The following WWOX variants were observed in gnomAD, a reference collection of about 807,000 sequenced individuals.
WWOX encodes the protein WW domain containing oxidoreductase, also known as WW domain-containing oxidoreductase.
A neutral mutation model predicts 46.2 loss-of-function variants in WWOX; 69 were observed. That is an observed-to-expected ratio of 1.49 (90% CI 1.23 to 1.82). WWOX has a LOEUF of 1.82. WWOX is among the 40% of genes most tolerant of loss of function. The pLI is 0.00. For synonymous variants in WWOX, 359 were observed against 202.6 expected, an observed-to-expected ratio of 1.77 and a Z score of -6.56; for missense variants, 919 against 542.6, an observed-to-expected ratio of 1.69 and a Z score of -6.89.
At chr16:78,501,026 A>T (rs1009565992) in intron 8 of WWOX, among the ~76,000 whole-genome samples, 2 of 152,090 alleles carry the variant, frequency 1.3e-5, no homozygotes, top group Non-Finnish European at 2.9e-5. Flanking sequence ...GTGCAGGTGG[A>T]GGAGGCTATT....
chr16:78,648,468 A>G (rs1318585320), intron 8 of WWOX, among the ~76,000 whole-genome samples: 1 of 152,226 alleles, frequency 6.6e-6, no homozygotes, highest in Non-Finnish European at 1.5e-5. Flanking sequence ...TGAGACACCA[A>G]AGATACACAT....
At chr16:78,956,406 C>G (rs549113642) in intron 8 of WWOX, among the ~76,000 whole-genome samples, 1 of 152,208 alleles carries the variant, frequency 6.6e-6, no homozygotes, top group South Asian at 2.1e-4. Flanking sequence ...CCGCCCATCT[C>G]GGCCTCCCCA....
chr16:78,164,761 C>T (rs1299569487), intron 5 of WWOX, among the ~76,000 whole-genome samples: 8 of 152,260 alleles, frequency 5.3e-5, no homozygotes, highest in Admixed American at 2.6e-4. Context: ...TAGTATTAAA[C>T]GAAACAGAAT....
At chr16:79,045,279 AT>A (rs2048043609) in intron 8 of WWOX, among the ~76,000 whole-genome samples, 2 of 152,324 alleles carry the variant, frequency 1.3e-5, no homozygotes, top group South Asian at 4.1e-4. Context: ...AGCCTCTGGG[AT>A]TCAGTGATAG....
chr16:79,102,698 C>G (rs1196682954), intron 8 of WWOX, among the ~76,000 whole-genome samples: 1 of 151,826 alleles, frequency 6.6e-6, no homozygotes, highest in Non-Finnish European at 1.5e-5. Flanking sequence ...GATGTCAAGT[C>G]TTTTGGACAC....
rs189053862 is a variant in WWOX, at chr16:78,767,711, C to G, written c.1056+334959C>G. ...GCAGTGCATCAGGATTCTAGTTGCTCCACATCTACCCAATACTTATTTTAC... is the reference window on the plus strand; with the variant it reads ...GCAGTGCATCAGGATTCTAGTTGCTGCACATCTACCCAATACTTATTTTAC... On this transcript the variant is annotated intron_variant, in intron 8 of 8. Transcript: ENST00000566780. 2.0e-3 allele frequency among the ~76,000 whole-genome samples: 310 copies of G among 152,174 alleles called. 1 individual carries two copies. Among genetic ancestry groups the G allele is most frequent in the Middle Eastern group, 3.4e-3 (1 of 294 alleles).
In WWOX at chr16:78,119,721, C is replaced by T. The variant is rs186261255; in HGVS notation, c.409+4567C>T. Among the ~76,000 whole-genome samples, 458 of 151,948 alleles carry T rather than the reference C, an allele frequency of 3.0e-3. 3 individuals carry two copies. The highest frequency in any genetic ancestry group is 0.01 in the African/African-American group (433 of 41,408). The stretch of plus-strand genomic sequence containing the variant: ...GTTCAAGTGATCCTCCCACCTTAGC[C>T]TCCCAAAGTACTGAGATTACTGGTG... On this transcript the variant is annotated intron_variant, in intron 4 of 8. Transcript: ENST00000566780.
At chr16:78,918,380 C>G (rs1314650747) in intron 8 of WWOX, among the ~76,000 whole-genome samples, 4 of 152,016 alleles carry the variant, frequency 2.6e-5, no homozygotes, top group Non-Finnish European at 4.4e-5. Flanking sequence ...GCCATGAAAC[C>G]TCTCTCCTTT....
chr16:78,629,190 C>T (rs2046374019), intron 8 of WWOX, among the ~76,000 whole-genome samples: 1 of 151,746 alleles, frequency 6.6e-6, no homozygotes, highest in Admixed American at 6.6e-5. Flanking sequence ...GGTTCTTATG[C>T]CATTTTAAAG....
chr16:78,624,235 T>A (rs2046258073), intron 8 of WWOX, among the ~76,000 whole-genome samples: 1 of 151,666 alleles, frequency 6.6e-6, no homozygotes, highest in African/African-American at 2.4e-5. Context: ...TGGAATCATG[T>A]TCCCTTCGGA....
chr16:79,192,956 G>C (rs375992), intron 8 of WWOX, among the ~76,000 whole-genome samples: 1 of 152,062 alleles, frequency 6.6e-6, no homozygotes, highest in African/African-American at 2.4e-5. Context: ...GAAGGGCCTC[G>C]TTTTACTCCT....
chr16:78,666,715 C>T (rs1460715184), intron 8 of WWOX, among the ~76,000 whole-genome samples: 1 of 152,188 alleles, frequency 6.6e-6, no homozygotes, highest in East Asian at 1.9e-4. Context: ...GGGGGATTTA[C>T]ATCAGTTCCA....
intron 8 of WWOX, among the ~76,000 whole-genome samples, chr16:78,819,187 G>T (rs754823898): frequency 2.6e-5 from 4 of 152,192 alleles, no homozygotes; most frequent in African/African-American, 4.8e-5. Context: ...AGCCCCATCA[G>T]GTTCCCAGGT....
chr16:79,195,467 G>C (rs990844379), intron 8 of WWOX, among the ~76,000 whole-genome samples: 1 of 152,128 alleles, frequency 6.6e-6, no homozygotes, highest in Admixed American at 6.6e-5. Context: ...GGCAGTTCCT[G>C]AGGAGGGACT....
At chr16:78,367,818 G>A (rs181567333) in intron 5 of WWOX, among the ~76,000 whole-genome samples, 2 of 151,938 alleles carry the variant, frequency 1.3e-5, no homozygotes, top group Admixed American at 6.6e-5. Context: ...GTGCAGTGGT[G>A]CAATCTCAGC....
intron 5 of WWOX, among the ~76,000 whole-genome samples, chr16:78,352,374 C>A (rs540312751): frequency 3.3e-5 from 5 of 152,192 alleles, no homozygotes; most frequent in Admixed American, 2.6e-4. Context: ...GGGCTAAAAT[C>A]GATGTGTCAG....
chr16:79,096,870 C>G (rs2049085143), intron 8 of WWOX, among the ~76,000 whole-genome samples: 1 of 151,922 alleles, frequency 6.6e-6, no homozygotes, highest in South Asian at 2.1e-4. Context: ...GGTTTGTGCC[C>G]AGAAGATCTC....
chr16:78,357,734 C>T (rs1006046936), intron 5 of WWOX, among the ~76,000 whole-genome samples: 1 of 152,124 alleles, frequency 6.6e-6, no homozygotes, highest in Non-Finnish European at 1.5e-5. Flanking sequence ...GTGCTGGGTG[C>T]TACATATTTA....
At chr16:78,621,777 T>A (rs929970947) in intron 8 of WWOX, among the ~76,000 whole-genome samples, 1 of 151,720 alleles carries the variant, frequency 6.6e-6, no homozygotes, top group African/African-American at 2.4e-5. Flanking sequence ...GCTAATTTTT[T>A]GTATTTTTTA....
Sources: gnomAD v4.1 joint callset for allele counts (sites outside exome capture counted in the v4.1 genomes callset) on GRCh38, gnomAD v4.1.1 for gene constraint, MANE v1.5 for transcripts, NCBI Gene and HGNC (gene_info 2026-07-23, HGNC 2026-07-21) for gene names.